RPL8: variants seen among roughly 807,000 people sequenced by gnomAD.
RPL8 encodes large ribosomal subunit protein uL2.
For synonymous variants in RPL8, 182 were observed against 143.2 expected (o/e 1.27, Z -1.94); for missense variants, 248 against 365.9 (o/e 0.68, Z 2.63).
chr8:144,791,937 T>C (rs752437880), intron 1 of RPL8, 23 bp from the exon 2 acceptor site: 7 of 1,610,210 alleles, frequency 4.3e-6, no homozygotes, highest in South Asian at 2.2e-5. Flanking sequence ...GCGGCGTGAG[T>C]GCGGCGTTCC....
rs557716438 is a variant in RPL8 at position 144,791,735 on chromosome 8, T to A, written c.280+38A>T. On this transcript the variant is annotated intron_variant, in intron 2 of 4. Transcript: ENST00000528957. ...ACTCCTCAGGCAACACCCAGACCCC[T>A]CCCCACCCCGACCTTCCTTCCCCGC... The A allele has an allele frequency of 5.6e-6, 9 of 1,609,516 alleles. No homozygotes were observed. The East Asian group carries it at 1.6e-4, about 28-fold the overall frequency.
intron 3 of RPL8, chr8:144,790,765 T>C (rs1451330735): frequency 3.2e-6 from 2 of 621,044 alleles, no homozygotes; most frequent in South Asian, 3.0e-5. Flanking sequence ...CCACTCAACC[T>C]GACGTAAGAC....
Position 144,791,993 on chromosome 8 carries a change from T to C in RPL8, c.137A>G (p.Lys46Arg), listed in dbSNP as rs760090476. 1.3e-5 allele frequency: 21 copies of C among 1,608,362 alleles called. No homozygotes were observed. The highest frequency in any genetic ancestry group is 1.6e-5 in the Non-Finnish European group (19 of 1,177,410). Reference protein sequence around the residue: ...ERHGYIKGIVKDIIHDPGRGA... With the variant: ...ERHGYIKGIVRDIIHDPGRGA... ...CCCGCCCCGGCCAGCGTTCCGCACC[T>C]TGACGATGCCCTTGATGTAGCCGTG... is the stretch of plus-strand genomic sequence containing the variant. The change falls in exon 1 of 5, where the codon AAG (lysine) becomes AGG (arginine). Residue 46 changes from lysine to arginine, a missense_variant and splice_region_variant. By Grantham distance (26) the Lys-to-Arg change is conservative. Transcript: ENST00000528957.
intron 3 of RPL8, chr8:144,790,884 A>G: frequency 4.0e-6 from 2 of 505,518 alleles, no homozygotes; most frequent in Non-Finnish European, 7.7e-6. Context: ...ATGTTCCCAA[A>G]CAGCACAGTG....
At chr8:144,791,021 C>A in intron 3 of RPL8, 1 of 545,722 alleles carries the variant, frequency 1.8e-6, no homozygotes, top group East Asian at 3.3e-5. Context: ...TCAGGAAGCC[C>A]ACGGTAGAAT....
intron 3 of RPL8, 112 bp downstream of exon 3, chr8:144,791,165 A>G: frequency 9.3e-7 from 1 of 1,076,372 alleles, no homozygotes; most frequent in Non-Finnish European, 1.4e-6. Flanking sequence ...CCCAAGTTTT[A>G]GAACAACAGG....
At chr8:144,790,875 T>C (rs1388929919) in intron 3 of RPL8, 5 of 515,014 alleles carry the variant, frequency 9.7e-6, no homozygotes, top group African/African-American at 7.6e-5. Context: ...GATTCCAAGA[T>C]GTTCCCAAAC....
In RPL8 at chr8:144,792,288, G is replaced by A. The variant is rs1315184657; in HGVS notation, c.-159C>T. The A allele has an allele frequency of 3.7e-6, 4 of 1,095,682 alleles. No homozygotes were observed. Among genetic ancestry groups the A allele is most frequent in the South Asian group, 4.6e-5 (2 of 43,852 alleles). 67.9% of individuals were successfully genotyped at this position (1,095,682 alleles called of 1,614,324 possible). A position where few individuals can be genotyped will look rare whatever the true frequency, so the allele number is the denominator to read the frequency against. On this transcript the variant is annotated 5_prime_UTR_variant, in exon 1 of 5. Coordinates refer to ENST00000528957, the MANE Select transcript of RPL8 (RefSeq NM_001317782.2). ...CACCGGCATCCTCTCAGGAGGGCCG[G>A]TCCGGGTCTCAGCGCGCCTCACGGA... is the stretch of plus-strand genomic sequence containing the variant.
chr8:144,789,780 C>T lies in RPL8; in HGVS notation c.*24G>A, dbSNP rs777737260. 1.1e-5 allele frequency: 18 copies of T among 1,613,346 alleles called. No individual in the cohort carries two copies. The highest frequency in any genetic ancestry group is 8.5e-7 in the Non-Finnish European group (1 of 1,179,824). On this transcript the variant is annotated 3_prime_UTR_variant, in exon 5 of 5. Transcript: ENST00000528957. ...TGGGCACAGCCAGGTGGCATAAACA[C>T]AAACTTTATTGAGGCCCTCAGCACT...
rs1826535683 is a variant in RPL8 at position 144,791,839 on chromosome 8, G to A, written c.214C>T (p.Arg72Trp). The change falls in exon 2 of 5, where the codon CGG (arginine) becomes TGG (tryptophan). Residue 72 changes from arginine to tryptophan, a missense_variant. Coordinates refer to ENST00000528957, the MANE Select transcript of RPL8 (RefSeq NM_001317782.2). ...TCGGCGGCAATGAACAGCTCCGTCC[G>A]CTTCTTAAACCGATACGGATCCCGG... is the stretch of plus-strand genomic sequence containing the variant. ...VFRDPYRFKK[R>W]TELFIAAEGI... is the part of the protein sequence containing the mutation. 6.2e-7 allele frequency: 1 copy of A among 1,613,856 alleles called. No homozygotes were observed. Among genetic ancestry groups the A allele is most frequent in the Middle Eastern group, 1.7e-4 (1 of 6,060 alleles).
chr8:144,791,094 T>C lies in RPL8; in HGVS notation c.499+183A>G, dbSNP rs1826494818. On this transcript the variant is annotated intron_variant, in intron 3 of 4. Coordinates refer to ENST00000528957, the MANE Select transcript of RPL8 (RefSeq NM_001317782.2). ...GCCTCAACAGCAGTAAAGCAGGTAC[T>C]GTTGTGCCTGTTGTACAGTGATGAC... 10 of 619,530 alleles carry C rather than the reference T, an allele frequency of 1.6e-5. No homozygotes were observed. The South Asian group carries it at 1.7e-4, about 11-fold the overall frequency. The allele number at this position is 619,530 out of a possible 1,614,324, so 38.4% of individuals were successfully genotyped here. A position where few individuals can be genotyped will look rare whatever the true frequency, so the allele number is the denominator to read the frequency against.
In RPL8 at chr8:144,790,896, G is replaced by A. The variant is rs1347790700; in HGVS notation, c.499+381C>T. 8 of 490,434 alleles carry A rather than the reference G, an allele frequency of 1.6e-5. 1 individual carries two copies. Among genetic ancestry groups the A allele is most frequent in the Admixed American group, 1.5e-4 (6 of 39,850 alleles). 30.4% of individuals were successfully genotyped at this position (490,434 alleles called of 1,614,324 possible). On this transcript the variant is annotated intron_variant, in intron 3 of 4. Coordinates refer to ENST00000528957, the MANE Select transcript of RPL8 (RefSeq NM_001317782.2). Reference sequence around the variant, plus strand: ...AAGATGTTCCCAAACAGCACAGTGAGTTAACCTAGACTCAAATCCTTTTTC... The same window carrying A: ...AAGATGTTCCCAAACAGCACAGTGAATTAACCTAGACTCAAATCCTTTTTC...
intron 3 of RPL8, chr8:144,790,737 T>C: frequency 3.0e-6 from 2 of 658,736 alleles, no homozygotes; most frequent in Non-Finnish European, 5.6e-6. Context: ...CCTCACCATG[T>C]GTGAGACGTC....
Position 144,792,152 on chromosome 8 carries a change from T to C in RPL8, c.-23A>G. On this transcript the variant is annotated 5_prime_UTR_variant, in exon 1 of 5. Transcript: ENST00000528957. Reference sequence around the variant, plus strand: ...CATGGCGACGGGTCCTGGGGGCGACTCACGATTAGCGCGGCCGGGCGGCCC... The same window carrying C: ...CATGGCGACGGGTCCTGGGGGCGACCCACGATTAGCGCGGCCGGGCGGCCC... 1 of 1,479,486 alleles carries C rather than the reference T, an allele frequency of 6.8e-7. No individual in the cohort carries two copies. The highest frequency in any genetic ancestry group is 8.9e-7 in the Non-Finnish European group (1 of 1,123,306). The allele number at this position is 1,479,486 out of a possible 1,614,324, so 91.6% of individuals were successfully genotyped here.
intron 3 of RPL8, chr8:144,790,806 A>G (rs1315464120): frequency 1.1e-5 from 6 of 570,882 alleles, no homozygotes; most frequent in African/African-American, 1.8e-5. Flanking sequence ...TCTCAGCTTT[A>G]CTTATTCCAG....
intron 4 of RPL8, among the ~76,000 whole-genome samples, 196 bp downstream of exon 4, chr8:144,790,159 C>T (rs928383402): frequency 2.7e-4 from 41 of 152,278 alleles, no homozygotes; most frequent in African/African-American, 9.6e-4. Flanking sequence ...TGCGGAGAAA[C>T]GGTGAAGGAG....
rs1038697410 is a variant in RPL8, at chr8:144,791,929, G to A, written c.139-15C>T. 2.5e-6 allele frequency: 4 copies of A among 1,611,604 alleles called. No homozygotes were observed. The African/African-American group carries it at 4.0e-5, about 16-fold the overall frequency. On this transcript the variant is annotated splice_polypyrimidine_tract_variant and intron_variant, in intron 1 of 4. Transcript: ENST00000528957. ...TGGATGATGTCCTGTGGGCAGAGGCGGCGTGAGTGCGGCGTTCCGGCCGGG... is the reference window on the plus strand; with the variant it reads ...TGGATGATGTCCTGTGGGCAGAGGCAGCGTGAGTGCGGCGTTCCGGCCGGG...
Position 144,791,862 on chromosome 8 carries a change from C to T in RPL8, c.191G>A (p.Arg64Gln). The change falls in exon 2 of 5, where the codon CGG becomes CAG. Residue 64 changes from arginine (R) to glutamine (Q), a missense_variant. Coordinates refer to ENST00000528957, the MANE Select transcript of RPL8 (RefSeq NM_001317782.2). The part of the protein sequence containing the change: ...RGAPLAKVVF[R>Q]DPYRFKKRTE... ...CCGCTTCTTAAACCGATACGGATCC[C>T]GGAAGACCACCTTGGCGAGGGGCGC... The T allele has an allele frequency of 6.2e-7, 1 of 1,613,814 alleles. No homozygotes were observed. Among genetic ancestry groups the T allele is most frequent in the Non-Finnish European group, 8.5e-7 (1 of 1,180,038 alleles).
In RPL8 at chr8:144,792,169, G is replaced by C. The variant is rs113271603; in HGVS notation, c.-40C>G. ...GGGGCGACTCACGATTAGCGCGGCC[G>C]GGCGGCCCGGGTACCCCCGCCAGCC... On this transcript the variant is annotated 5_prime_UTR_variant, in exon 1 of 5. Coordinates refer to ENST00000528957, the MANE Select transcript of RPL8 (RefSeq NM_001317782.2). The C allele has an allele frequency of 1.4e-6, 2 of 1,449,892 alleles. No homozygotes were observed. Among genetic ancestry groups the C allele is most frequent in the Non-Finnish European group, 1.8e-6 (2 of 1,109,978 alleles). 89.8% of individuals were successfully genotyped at this position (1,449,892 alleles called of 1,614,324 possible).
Sources: allele counts gnomAD v4.1 joint callset (sites outside exome capture counted in the v4.1 genomes callset), GRCh38; gene constraint gnomAD v4.1.1; transcripts MANE v1.5; gene names NCBI Gene and HGNC (gene_info 2026-07-23, HGNC 2026-07-21).